The following CMIP variants were observed in gnomAD, a reference collection of about 807,000 sequenced individuals.
CMIP encodes c-Maf inducing protein, also known as C-Maf-inducing protein.
CMIP carries 13 observed loss-of-function variants against 97.3 expected under a neutral mutation model. That is an observed-to-expected ratio of 0.13 (90% CI 0.09 to 0.21). The LOEUF (loss-of-function observed/expected upper bound fraction) is 0.21. Among genes scored for constraint, CMIP ranks in the 10% least tolerant of loss-of-function variants. The pLI, the probability that CMIP is intolerant of heterozygous loss-of-function variation, is 1.00. For missense variants in CMIP, 847 were observed against 1,024.9 expected, an observed-to-expected ratio of 0.83 and a Z score of 2.37; for synonymous variants, 538 against 436.3, an observed-to-expected ratio of 1.23 and a Z score of -2.91.
rs1051943048 is a variant in CMIP at position 81,652,989 on chromosome 16, C to A, written c.639+625C>A. On this transcript the variant is annotated intron_variant, in intron 4 of 20. Coordinates refer to ENST00000537098, the MANE Select transcript of CMIP (RefSeq NM_198390.3). The surrounding 1 kb of genome is among the most constrained non-coding windows in gnomAD (Gnocchi z 5.2). ...TACCCCCCTGGAGCTTGTGTCCCGGCAGGGGAGACAGGCAGTGAACAATGA... is the reference window on the plus strand; with the variant it reads ...TACCCCCCTGGAGCTTGTGTCCCGGAAGGGGAGACAGGCAGTGAACAATGA... Among the ~76,000 whole-genome samples, 2 of 152,164 alleles carry A rather than the reference C, an allele frequency of 1.3e-5. No homozygotes were observed. The highest frequency in any genetic ancestry group is 4.8e-5 in the African/African-American group (2 of 41,434).
intron 1 of CMIP, among the ~76,000 whole-genome samples, chr16:81,517,075 A>G (rs1345478811): frequency 6.6e-6 from 1 of 150,736 alleles, no homozygotes; most frequent in Non-Finnish European, 1.5e-5. Flanking sequence ...AAAGCCAGAC[A>G]GCCTTCAAGG....
rs879827008 is a variant in CMIP at position 81,500,256 on chromosome 16, G to GTCCTTCCT, written c.300+54723_300+54730dup. Among the ~76,000 whole-genome samples the GTCCTTCCT allele has an allele frequency of 2.2e-4, 24 of 109,672 alleles. No individual in the cohort carries two copies. In the East Asian group the frequency reaches 2.3e-3, roughly 11 times the overall value. The allele number at this position is 109,672 out of a possible 152,430, so 71.9% of individuals were successfully genotyped here. A position where few individuals can be genotyped will look rare whatever the true frequency, so the allele number is the denominator to read the frequency against. Reference sequence around the variant, plus strand: ...TATCAAAATTTCCTTCCTTCCTTCCGTCCTTCCTTCCTTCCGTCCTTCCTT... The same window carrying GTCCTTCCT: ...TATCAAAATTTCCTTCCTTCCTTCCGTCCTTCCTTCCTTCCTTCCTTCCGTCCTTCCTT... On this transcript the variant is annotated intron_variant, in intron 1 of 20. Coordinates refer to ENST00000537098, the MANE Select transcript of CMIP (RefSeq NM_198390.3).
intron 1 of CMIP, among the ~76,000 whole-genome samples, chr16:81,493,646 G>T (rs1189593501): frequency 1.3e-5 from 2 of 152,190 alleles, no homozygotes; most frequent in Admixed American, 1.3e-4. Flanking sequence ...CCCACTCTCC[G>T]CATGGGAAAA....
At chr16:81,541,936 T>C (rs2090457145) in intron 1 of CMIP, among the ~76,000 whole-genome samples, 1 of 152,218 alleles carries the variant, frequency 6.6e-6, no homozygotes, top group Admixed American at 6.5e-5. Flanking sequence ...TATTTCATGT[T>C]TTAATTTTCT....
At chr16:81,508,413 C>T (rs2089750154) in intron 1 of CMIP, among the ~76,000 whole-genome samples, 1 of 152,218 alleles carries the variant, frequency 6.6e-6, no homozygotes, top group Non-Finnish European at 1.5e-5. Flanking sequence ...TCTCACTAAA[C>T]AATAGTGAGG....
chr16:81,459,051 TCACCATCACTGTCACC>T (rs1906743332), intron 1 of CMIP, among the ~76,000 whole-genome samples: 3 of 143,990 alleles, frequency 2.1e-5, no homozygotes, highest in East Asian at 2.1e-4. Flanking sequence ...ACCATCACCA[TCACCATCACTGTCACC>T]GTCACCGTCA....
chr16:81,489,679 C>T (rs772672151), intron 1 of CMIP, among the ~76,000 whole-genome samples: 12 of 152,178 alleles, frequency 7.9e-5, no homozygotes, highest in South Asian at 2.1e-4. Flanking sequence ...TTATGGAGCC[C>T]CCCTCCCTTC....
At chr16:81,510,748 C>T (rs2089795410) in intron 1 of CMIP, among the ~76,000 whole-genome samples, 1 of 152,064 alleles carries the variant, frequency 6.6e-6, no homozygotes, top group African/African-American at 2.4e-5. Context: ...GAGATAGAGT[C>T]TTGTTCTGTC....
chr16:81,688,814 C>T (rs1179687043), intron 10 of CMIP, among the ~76,000 whole-genome samples: 1 of 152,162 alleles, frequency 6.6e-6, no homozygotes, highest in East Asian at 1.9e-4. Context: ...CCTCCTCCCC[C>T]AACCCCACAA....
intron 1 of CMIP, chr16:81,476,577 A>C (rs1452544045): frequency 1.9e-6 from 1 of 523,916 alleles, no homozygotes; most frequent in Non-Finnish European, 3.5e-6. Context: ...CATGTTTCCT[A>C]GATTGTAAAG....
At chr16:81,693,592 A>G (rs1906360679) in intron 13 of CMIP, 105 bp downstream of exon 13, 2 of 1,290,840 alleles carry the variant, frequency 1.5e-6, no homozygotes, top group Non-Finnish European at 2.1e-6. Context: ...GGCATTCAGA[A>G]CAGCTTTCAG....
intron 1 of CMIP, among the ~76,000 whole-genome samples, chr16:81,511,684 C>T (rs1465774471): frequency 1.3e-5 from 2 of 152,212 alleles, no homozygotes; most frequent in Admixed American, 6.5e-5. Context: ...CCTCAGCCTT[C>T]CTGGTAGCTG....
intron 1 of CMIP, among the ~76,000 whole-genome samples, chr16:81,514,451 C>G (rs575516014): frequency 1.3e-5 from 2 of 152,312 alleles, no homozygotes; most frequent in African/African-American, 4.8e-5. Context: ...GGTTCCAACC[C>G]AGCTGGCTAC....
At chr16:81,537,555 A>C (rs1472331773) in intron 1 of CMIP, among the ~76,000 whole-genome samples, 1 of 134,970 alleles carries the variant, frequency 7.4e-6, no homozygotes, top group Non-Finnish European at 1.7e-5. Context: ...ACAAAAAAAA[A>C]AAAAAAAAAA....
chr16:81,475,848 G>A lies in CMIP; in HGVS notation c.300+30307G>A, dbSNP rs184001583. Among the ~76,000 whole-genome samples, 669 of 152,166 alleles carry A rather than the reference G, an allele frequency of 4.4e-3. 3 individuals carry two copies. Among genetic ancestry groups the A allele is most frequent in the Middle Eastern group, 0.034 (10 of 294 alleles). On this transcript the variant is annotated intron_variant, in intron 1 of 20. Coordinates refer to ENST00000537098, the MANE Select transcript of CMIP (RefSeq NM_198390.3). ...AAAATACAAACAAAATTAGCTGGGT[G>A]TGGTGGGGGGCGCCTGTAGTCTCAG... is the stretch of plus-strand genomic sequence containing the variant.
At chr16:81,602,487 G>T (rs545530239) in intron 1 of CMIP, among the ~76,000 whole-genome samples, 2 of 152,208 alleles carry the variant, frequency 1.3e-5, no homozygotes, top group Non-Finnish European at 2.9e-5. Context: ...TTAGCGTGCA[G>T]ATCTGTGAGT....
intron 1 of CMIP, among the ~76,000 whole-genome samples, chr16:81,506,135 G>C (rs1336537819): frequency 6.6e-6 from 1 of 152,192 alleles, no homozygotes; most frequent in Non-Finnish European, 1.5e-5. Flanking sequence ...ACCCCTCTTA[G>C]CCTCATTTTA....
intron 3 of CMIP, among the ~76,000 whole-genome samples, chr16:81,644,313 C>T (rs1313409091): frequency 1.3e-5 from 2 of 152,160 alleles, no homozygotes; most frequent in Admixed American, 1.3e-4. Flanking sequence ...GTAGCCAAAG[C>T]ACCGAGGCTG....
At chr16:81,661,102 A>G (rs1251464054) in intron 6 of CMIP, among the ~76,000 whole-genome samples, 156 bp downstream of exon 6, 1 of 152,204 alleles carries the variant, frequency 6.6e-6, no homozygotes, top group East Asian at 1.9e-4. Context: ...CCCGGCACCC[A>G]TTCTTAGGGC....
Sources: gnomAD v4.1 joint callset for allele counts (sites outside exome capture counted in the v4.1 genomes callset) on GRCh38, gnomAD v4.1.1 for gene constraint, Gnocchi (gnomAD v3.1) non-coding constraint, MANE v1.5 for transcripts, NCBI Gene and HGNC (gene_info 2026-07-23, HGNC 2026-07-21) for gene names.